SPATA17: variants seen among roughly 807,000 people sequenced by gnomAD.
SPATA17 encodes the protein spermatogenesis associated 17.
Under a neutral mutation model 62.2 loss-of-function variants are expected in SPATA17, and 53 were observed. The ratio of observed to expected loss-of-function variants is 0.85; its 90% CI spans 0.68 to 1.07. The LOEUF (loss-of-function observed/expected upper bound fraction) is 1.07. Ranked by LOEUF, SPATA17 falls within the 50% of genes least tolerant of loss-of-function variation. The pLI, the probability that SPATA17 is intolerant of heterozygous loss-of-function variation, is 0.00. For missense variants in SPATA17, 466 were observed against 425.5 expected (o/e 1.10, Z -0.84); for synonymous variants, 146 against 146.8 (o/e 0.99, Z 0.04).
Position 217,648,928 on chromosome 1 carries a change from A to T in SPATA17, c.115A>T (p.Ile39Phe), listed in dbSNP as rs759408811. 9 of 1,610,646 alleles carry T rather than the reference A, an allele frequency of 5.6e-6. No individual in the cohort carries two copies. Among genetic ancestry groups the T allele is most frequent in the Non-Finnish European group, 7.6e-6 (9 of 1,178,490 alleles). Residue 39 changes from isoleucine (I) to phenylalanine (F), a missense_variant, in exon 2 of 11, where the codon ATC (isoleucine) becomes TTC (phenylalanine). Coordinates refer to ENST00000366933, the MANE Select transcript of SPATA17 (RefSeq NM_138796.4). The stretch of plus-strand genomic sequence containing the variant: ...AAAGGAGAATGATGCAGCAGTTAAA[A>T]TCCAAAGCTGGTTTCGAGGATGTCA... ...RKKENDAAVK[I>F]QSWFRGCQVR...
chr1:217,640,750 T>A (rs571992759), intron 1 of SPATA17, among the ~76,000 whole-genome samples: 4 of 152,146 alleles, frequency 2.6e-5, no homozygotes, highest in African/African-American at 7.2e-5. Flanking sequence ...ATTTTATACA[T>A]AATGACATGA....
chr1:217,676,552 G>C (rs914902590), intron 4 of SPATA17, among the ~76,000 whole-genome samples: 3 of 152,100 alleles, frequency 2.0e-5, no homozygotes, highest in African/African-American at 7.2e-5. Context: ...GAGTATACTA[G>C]TCTTCAATAA....
intron 5 of SPATA17, among the ~76,000 whole-genome samples, chr1:217,687,430 T>G (rs1671240886): frequency 1.3e-5 from 2 of 152,236 alleles, no homozygotes; most frequent in Admixed American, 1.3e-4. Flanking sequence ...TCACCTTTTA[T>G]ATACAGTCAC....
chr1:217,632,203 T>TAAATA (rs1214671032), intron 1 of SPATA17, among the ~76,000 whole-genome samples: 7 of 150,252 alleles, frequency 4.7e-5, no homozygotes, highest in Admixed American at 2.0e-4. Flanking sequence ...TAAATAAATA[T>TAAATA]AAATAAAATA....
intron 9 of SPATA17, among the ~76,000 whole-genome samples, chr1:217,845,503 A>G (rs1287640601): frequency 6.6e-6 from 1 of 152,072 alleles, no homozygotes; most frequent in Non-Finnish European, 1.5e-5. Context: ...TGCATGGCAC[A>G]GAGACCCTGC....
rs374042087 is a variant in SPATA17 at position 217,770,978 on chromosome 1, A to ATTTT, written c.520-3329_520-3326dup. ...ATGTATCTATTATATAACTCATTGC[A>ATTTT]TTTTTTTTTTTTTTTTTTTTTTTTT... On this transcript the variant is annotated intron_variant, in intron 6 of 10. Coordinates refer to ENST00000366933, the MANE Select transcript of SPATA17 (RefSeq NM_138796.4). Among the ~76,000 whole-genome samples the ATTTT allele has an allele frequency of 3.5e-3, 175 of 50,128 alleles. 15 individuals carry two copies. The highest frequency in any genetic ancestry group is 3.7e-3 in the African/African-American group (43 of 11,560). The allele number at this position is 50,128 out of a possible 152,430, so 32.9% of individuals were successfully genotyped here.
chr1:217,693,611 T>C (rs1671391237), intron 5 of SPATA17, among the ~76,000 whole-genome samples: 1 of 98,996 alleles, frequency 1.0e-5, no homozygotes, highest in African/African-American at 4.1e-5. Context: ...TCTTTCCTGC[T>C]TTCTCTTGTG....
intron 8 of SPATA17, among the ~76,000 whole-genome samples, chr1:217,785,988 A>G (rs1558050439): frequency 6.6e-6 from 1 of 152,174 alleles, no homozygotes; most frequent in Non-Finnish European, 1.5e-5. Flanking sequence ...GTCTATCCTT[A>G]TGAAGCCAGG....
chr1:217,742,234 C>T (rs1193118653), intron 6 of SPATA17, 136 bp downstream of exon 6: 6 of 1,213,578 alleles, frequency 4.9e-6, no homozygotes, highest in Non-Finnish European at 6.9e-6. Context: ...CAATTTCGTG[C>T]TTCTGTGTAG....
chr1:217,864,019 T>TC (rs1675951032), intron 10 of SPATA17, among the ~76,000 whole-genome samples: 1 of 152,196 alleles, frequency 6.6e-6, no homozygotes, highest in Non-Finnish European at 1.5e-5. Context: ...TGGAAGTTAA[T>TC]ATGTTAAATG....
intron 8 of SPATA17, among the ~76,000 whole-genome samples, chr1:217,798,875 T>C (rs1674223080): frequency 7.4e-6 from 1 of 135,354 alleles, no homozygotes; most frequent in African/African-American, 3.1e-5. Flanking sequence ...ATTTTCTGTC[T>C]TTTTTTTTTT....
At chr1:217,809,588 A>C (rs2377708) in intron 9 of SPATA17, among the ~76,000 whole-genome samples, 86,065 of 151,806 alleles carry the variant, frequency 0.57, 24,759 homozygotes, top group South Asian at 0.67. Context: ...TTATAATAAC[A>C]AACCCTTGAG....
intron 8 of SPATA17, among the ~76,000 whole-genome samples, chr1:217,800,553 T>G (rs144493193): frequency 1.2e-4 from 19 of 152,296 alleles, no homozygotes; most frequent in Admixed American, 2.6e-4. Context: ...GACATGAACC[T>G]GGGGATTTCA....
At position 217,770,978 on chromosome 1, in the gene SPATA17, ATT is replaced by A. The variant is rs374042087; in HGVS notation, c.520-3327_520-3326del. Among the ~76,000 whole-genome samples the A allele has an allele frequency of 7.5e-3, 378 of 50,126 alleles. 38 individuals are homozygous for A. The highest frequency in any genetic ancestry group is 0.068 in the South Asian group (68 of 998). The allele number at this position is 50,126 out of a possible 152,430, so 32.9% of individuals were successfully genotyped here. A position where few individuals can be genotyped will look rare whatever the true frequency, so the allele number is the denominator to read the frequency against. ...ATGTATCTATTATATAACTCATTGCATTTTTTTTTTTTTTTTTTTTTTTTTTT... is the reference window on the plus strand; with the variant it reads ...ATGTATCTATTATATAACTCATTGCATTTTTTTTTTTTTTTTTTTTTTTTT... On this transcript the variant is annotated intron_variant, in intron 6 of 10. Coordinates refer to ENST00000366933, the MANE Select transcript of SPATA17 (RefSeq NM_138796.4).
At chr1:217,829,265 A>T (rs1675073677) in intron 9 of SPATA17, among the ~76,000 whole-genome samples, 1 of 152,144 alleles carries the variant, frequency 6.6e-6, no homozygotes, top group African/African-American at 2.4e-5. Context: ...TTTATAAAAG[A>T]AAAAGATCCT....
intron 3 of SPATA17, among the ~76,000 whole-genome samples, chr1:217,666,689 T>C (rs906229299): frequency 3.9e-5 from 6 of 152,168 alleles, no homozygotes; most frequent in Admixed American, 6.5e-5. Flanking sequence ...TCTTCCCAAA[T>C]TGAAACTCTG....
At chr1:217,786,014 T>C (rs573777195) in intron 8 of SPATA17, among the ~76,000 whole-genome samples, 1 of 152,232 alleles carries the variant, frequency 6.6e-6, no homozygotes, top group African/African-American at 2.4e-5. Flanking sequence ...AAATAAGCAA[T>C]TAATAAATAA....
At chr1:217,638,280 C>A (rs1276664222) in intron 1 of SPATA17, among the ~76,000 whole-genome samples, 1 of 151,530 alleles carries the variant, frequency 6.6e-6, no homozygotes, top group South Asian at 2.1e-4. Context: ...TAAAGTTCTG[C>A]AGTGTTTGTT....
At chr1:217,664,878 C>T (rs1346011225) in intron 3 of SPATA17, among the ~76,000 whole-genome samples, 17 of 151,878 alleles carry the variant, frequency 1.1e-4, no homozygotes, top group Admixed American at 1.1e-3. Context: ...GGTAGTTTCT[C>T]CTATAAATAA....
Sources: allele counts gnomAD v4.1 joint callset (sites outside exome capture counted in the v4.1 genomes callset), GRCh38; gene constraint gnomAD v4.1.1; transcripts MANE v1.5; gene names NCBI Gene and HGNC (gene_info 2026-07-23, HGNC 2026-07-21).